NELL1: variants seen among roughly 807,000 people sequenced by gnomAD.
NELL1 encodes neural EGFL like 1, also known as protein kinase C-binding protein NELL1.
A neutral mutation model predicts 107.4 loss-of-function variants in NELL1; 76 were observed. The ratio of observed to expected loss-of-function variants is 0.71; its 90% CI spans 0.59 to 0.86. The LOEUF (loss-of-function observed/expected upper bound fraction) is 0.86. Ranked by LOEUF, NELL1 falls within the 40% of genes least tolerant of loss-of-function variation. NELL1 has a pLI of 0.00. For synonymous variants in NELL1, 353 were observed against 341.2 expected (o/e 1.03, Z -0.38); for missense variants, 1,024 against 1,005.5 (o/e 1.02, Z -0.25).
chr11:20,970,397 A>T (rs1851474930), intron 12 of NELL1, among the ~76,000 whole-genome samples: 1 of 142,632 alleles, frequency 7.0e-6, no homozygotes, highest in Admixed American at 7.2e-5. Context: ...GCTAAAGATG[A>T]TTAAGCCATA....
intron 3 of NELL1, among the ~76,000 whole-genome samples, chr11:20,786,227 G>C (rs946148057): frequency 3.3e-5 from 5 of 151,674 alleles, no homozygotes; most frequent in African/African-American, 1.2e-4. Flanking sequence ...GTGCATGCCT[G>C]TAATCCCAGC....
chr11:21,560,888 G>A (rs1440973170), intron 17 of NELL1, among the ~76,000 whole-genome samples: 1 of 83,820 alleles, frequency 1.2e-5, no homozygotes, highest in Non-Finnish European at 3.4e-5. Context: ...AGGCCTCTTA[G>A]AAATTGATGT....
intron 15 of NELL1, among the ~76,000 whole-genome samples, chr11:21,525,885 G>T (rs1328513178): frequency 6.6e-6 from 1 of 152,134 alleles, no homozygotes; most frequent in Non-Finnish European, 1.5e-5. Context: ...GATACATGGG[G>T]ATTACTACAA....
At chr11:21,239,709 G>C (rs1858302441) in intron 14 of NELL1, among the ~76,000 whole-genome samples, 1 of 152,098 alleles carries the variant, frequency 6.6e-6, no homozygotes, top group Non-Finnish European at 1.5e-5. Flanking sequence ...TGACTCAGTA[G>C]GGGATAGATA....
intron 5 of NELL1, among the ~76,000 whole-genome samples, chr11:20,898,651 GA>G (rs1296272049): frequency 3.3e-5 from 5 of 150,724 alleles, no homozygotes; most frequent in Admixed American, 6.6e-5. Flanking sequence ...ATTCTTGCAG[GA>G]CTAAGATGCT....
At chr11:21,467,880 C>G (rs1294337182) in intron 15 of NELL1, among the ~76,000 whole-genome samples, 1 of 151,912 alleles carries the variant, frequency 6.6e-6, no homozygotes, top group Non-Finnish European at 1.5e-5. Context: ...TGAGAAGAAA[C>G]AAGAATTTTC....
intron 12 of NELL1, among the ~76,000 whole-genome samples, chr11:21,051,480 T>G (rs1853491778): frequency 6.6e-6 from 1 of 152,004 alleles, no homozygotes; most frequent in African/African-American, 2.4e-5. Flanking sequence ...AAGCTACCAC[T>G]AAAGGACTTA....
At chr11:21,472,409 C>G (rs1258096738) in intron 15 of NELL1, among the ~76,000 whole-genome samples, 1 of 151,966 alleles carries the variant, frequency 6.6e-6, no homozygotes, top group African/African-American at 2.4e-5. Flanking sequence ...TATTTTAACT[C>G]ATGCCACTAA....
chr11:21,249,063 C>G (rs567230331), intron 14 of NELL1, among the ~76,000 whole-genome samples: 1 of 152,186 alleles, frequency 6.6e-6, no homozygotes, highest in Non-Finnish European at 1.5e-5. Context: ...CAGGACCACC[C>G]CCTAGTTTTG....
chr11:21,220,221 A>G (rs969724974), intron 13 of NELL1, among the ~76,000 whole-genome samples: 12 of 152,126 alleles, frequency 7.9e-5, no homozygotes, highest in African/African-American at 2.9e-4. Flanking sequence ...CGGCCTGGGT[A>G]TCTGTTTTTA....
chr11:20,755,356 T>G (rs1159717910), intron 2 of NELL1, among the ~76,000 whole-genome samples: 1 of 152,156 alleles, frequency 6.6e-6, no homozygotes, highest in Non-Finnish European at 1.5e-5. Context: ...GCTCCTTCAC[T>G]GAATGTTAGA....
At chr11:21,264,851 T>TAA (rs1339375592) in intron 14 of NELL1, among the ~76,000 whole-genome samples, 347 of 151,996 alleles carry the variant, frequency 2.3e-3, no homozygotes, top group African/African-American at 8.0e-3. Flanking sequence ...CACAAAGAGA[T>TAA]TCTCTTGCTT....
rs548893811 is a variant in NELL1 at position 20,705,993 on chromosome 11, G to A, written c.184+27933G>A. ...ACCGTCTCACACCAGTTAGAATGGC[G>A]ATTATTAAAAAGTCAAGAAACAACA... On this transcript the variant is annotated intron_variant, in intron 2 of 19. Coordinates refer to ENST00000357134, the MANE Select transcript of NELL1 (RefSeq NM_006157.5). 7.8e-4 allele frequency among the ~76,000 whole-genome samples: 119 copies of A among 152,214 alleles called. 1 individual carries two copies. Among genetic ancestry groups the A allele is most frequent in the South Asian group, 1.0e-3 (5 of 4,826 alleles).
chr11:21,293,495 A>G (rs945094263), intron 14 of NELL1, among the ~76,000 whole-genome samples: 12 of 152,212 alleles, frequency 7.9e-5, no homozygotes, highest in Non-Finnish European at 8.8e-5. Context: ...AGTGTAAACT[A>G]GTTCAACCAT....
intron 18 of NELL1, among the ~76,000 whole-genome samples, chr11:21,571,327 C>T (rs1162098416): frequency 1.3e-5 from 2 of 151,752 alleles, no homozygotes; most frequent in Non-Finnish European, 2.9e-5. Flanking sequence ...GGTAACAAAA[C>T]ATAGTAGAAA....
At chr11:21,544,506 G>A (rs1591023045) in intron 16 of NELL1, among the ~76,000 whole-genome samples, 2 of 151,876 alleles carry the variant, frequency 1.3e-5, no homozygotes, top group African/African-American at 4.8e-5. Context: ...TCGACCTGAA[G>A]GATGGAAGGG....
At chr11:21,490,450 T>C (rs897990180) in intron 15 of NELL1, among the ~76,000 whole-genome samples, 1 of 102,158 alleles carries the variant, frequency 9.8e-6, no homozygotes, top group African/African-American at 3.8e-5. Flanking sequence ...CTAAAATGTG[T>C]ATGGAACCAA....
intron 14 of NELL1, among the ~76,000 whole-genome samples, chr11:21,309,458 A>T (rs746967979): frequency 2.0e-5 from 3 of 151,540 alleles, no homozygotes; most frequent in Non-Finnish European, 2.9e-5. Flanking sequence ...CCTTAAAATG[A>T]GTTTACCTTA....
intron 5 of NELL1, among the ~76,000 whole-genome samples, chr11:20,894,762 T>A (rs1365607363): frequency 6.6e-6 from 1 of 152,172 alleles, no homozygotes; most frequent in Non-Finnish European, 1.5e-5. Context: ...GAAAGAATAC[T>A]CTAGGTACCT....
Sources: allele counts gnomAD v4.1 joint callset (sites outside exome capture counted in the v4.1 genomes callset), GRCh38; gene constraint gnomAD v4.1.1; transcripts MANE v1.5; gene names NCBI Gene and HGNC (gene_info 2026-07-23, HGNC 2026-07-21).